Variants in ATXN7 observed in about 807,000 individuals in gnomAD.
ATXN7 encodes the protein ataxin-7.
In ATXN7, 12 loss-of-function variants were observed where a neutral mutation model predicts 70.5. The observed-to-expected ratio is 0.17, with a 90% CI of 0.11 to 0.28. The LOEUF is 0.28. ATXN7 is among the 10% of genes least tolerant of loss of function. The probability of loss-of-function intolerance (pLI) is 1.00; values close to 1 mark genes in which losing one functional copy is unlikely to be tolerated. For missense variants in ATXN7, 1,256 were observed against 1,131.7 expected (o/e 1.11, Z -1.58); for synonymous variants, 498 against 448.7 (o/e 1.11, Z -1.39).
At chr3:63,934,120 A>G (rs958442136) in intron 4 of ATXN7, among the ~76,000 whole-genome samples, 1 of 151,694 alleles carries the variant, frequency 6.6e-6, no homozygotes, top group African/African-American at 2.4e-5. Context: ...CTGTATTCGT[A>G]TTGAGAAGCC....
chr3:64,001,756 AT>A lies in ATXN7; in HGVS notation c.*2291del, dbSNP rs1337298543. ...AAACAGACCTATTCTAAACAGTGCT[AT>A]TAAATTTTAGACTGTTGTTCAAATA... On this transcript the variant is annotated 3_prime_UTR_variant, in exon 13 of 13. Transcript: ENST00000674280. 6 of 152,340 alleles carry A rather than the reference AT, an allele frequency of 3.9e-5. No individual in the cohort carries two copies. Among genetic ancestry groups the A allele is most frequent in the African/African-American group, 9.6e-5 (4 of 41,578 alleles). The allele number at this position is 152,340 out of a possible 1,614,324, so 9.4% of individuals were successfully genotyped here.
rs374778905 is a variant in ATXN7, at chr3:63,996,279, C to T, written c.2457C>T (p.His819=). The change falls in exon 12 of 13, where the codon CAC becomes CAT. Residue 819 remains histidine, a synonymous_variant. Transcript: ENST00000674280. ...CCAATGAACTGCCTGTCAACTCCCA[C>T]GGCAGTTTTTCCCACTCACACACTC... ...HQSNELPVNS[H]GSFSHSHTPL... The T allele has an allele frequency of 1.7e-5, 28 of 1,614,038 alleles. No homozygotes were observed. The African/African-American group carries it at 2.4e-4, about 14-fold the overall frequency.
chr3:63,942,480 C>A (rs138163174), intron 4 of ATXN7, among the ~76,000 whole-genome samples: 1 of 151,916 alleles, frequency 6.6e-6, no homozygotes. Context: ...GGTTTTTTTT[C>A]TTTTGTGTAG....
At chr3:63,997,540 G>A in intron 12 of ATXN7, 1 of 1,206,734 alleles carries the variant, frequency 8.3e-7, no homozygotes, top group Non-Finnish European at 1.2e-6. Context: ...GCCTGTTACT[G>A]ACCTCACCTG....
intron 2 of ATXN7, chr3:63,903,674 G>GGT (rs1221354883): frequency 1.3e-5 from 2 of 152,120 alleles, no homozygotes; most frequent in Non-Finnish European, 2.9e-5. Flanking sequence ...AAGCTGATGA[G>GGT]GTAGATATTA....
chr3:63,940,966 C>T (rs2074751830), intron 4 of ATXN7, among the ~76,000 whole-genome samples: 1 of 152,112 alleles, frequency 6.6e-6, no homozygotes, highest in South Asian at 2.1e-4. Context: ...GCTTAAGGAA[C>T]CCGTGAGACA....
chr3:63,914,644 G>A (rs1226615385), intron 4 of ATXN7, among the ~76,000 whole-genome samples: 2 of 152,138 alleles, frequency 1.3e-5, no homozygotes, highest in African/African-American at 4.8e-5. Context: ...CATTCTCTGG[G>A]TGTGGATACA....
intron 5 of ATXN7, chr3:63,967,803 T>A: frequency 6.7e-7 from 1 of 1,502,554 alleles, no homozygotes; most frequent in African/African-American, 1.4e-5. Context: ...TAGTAGCAAA[T>A]GTTACATAAG....
At chr3:63,998,424 G>A in intron 12 of ATXN7, 1 of 985,114 alleles carries the variant, frequency 1.0e-6, no homozygotes, top group Non-Finnish European at 1.2e-6. Context: ...ATCTGGTATA[G>A]CCTATGTATC....
rs117931303 is a variant in ATXN7 at position 63,940,798 on chromosome 3, C to T, written c.395-11581C>T. ...AGCTAAGTGGTAGACTCTTAGAGCC[C>T]GTATCCTACTCTAGACTACATGCTT... is the stretch of plus-strand genomic sequence containing the variant. On this transcript the variant is annotated intron_variant, in intron 4 of 12. Coordinates refer to ENST00000674280, the MANE Select transcript of ATXN7 (RefSeq NM_001377405.1). 1.4e-3 allele frequency among the ~76,000 whole-genome samples: 210 copies of T among 152,236 alleles called. 3 individuals are homozygous for T. In the East Asian group the frequency reaches 0.031, roughly 23 times the overall value.
chr3:63,894,357 C>T (rs559418386), intron 1 of ATXN7, among the ~76,000 whole-genome samples: 2 of 152,064 alleles, frequency 1.3e-5, no homozygotes, highest in Non-Finnish European at 2.9e-5. Flanking sequence ...CCAAGATCAC[C>T]ATGGAAAACA....
At chr3:63,946,998 G>T (rs941154260) in intron 4 of ATXN7, among the ~76,000 whole-genome samples, 1 of 152,202 alleles carries the variant, frequency 6.6e-6, no homozygotes. Flanking sequence ...TGGCATAGAG[G>T]AGGTGATTCT....
At chr3:63,909,510 G>A (rs1445443482) in intron 2 of ATXN7, among the ~76,000 whole-genome samples, 1 of 152,212 alleles carries the variant, frequency 6.6e-6, no homozygotes, top group African/African-American at 2.4e-5. Context: ...GTTCTTTACT[G>A]TGGGACTGTA....
In ATXN7 at chr3:63,952,421, A is replaced by C. The variant is rs369999332; in HGVS notation, c.437A>C (p.Tyr146Ser). The change falls in exon 5 of 13, where the codon TAC becomes TCC. Residue 146 changes from tyrosine to serine, a missense_variant. Coordinates refer to ENST00000674280, the MANE Select transcript of ATXN7 (RefSeq NM_001377405.1). ...FGFCPAHDDF[Y>S]LVVCNDCNQV... The stretch of plus-strand genomic sequence containing the variant: ...TTCTGTCCAGCCCATGATGATTTCT[A>C]CTTGGTGGTGTGTAACGACTGTAAT... 5 of 1,612,676 alleles carry C rather than the reference A, an allele frequency of 3.1e-6. No individual in the cohort carries two copies. Among genetic ancestry groups the C allele is most frequent in the Non-Finnish European group, 4.2e-6 (5 of 1,179,662 alleles).
intron 4 of ATXN7, among the ~76,000 whole-genome samples, chr3:63,947,751 C>T (rs1395105552): frequency 3.3e-5 from 5 of 152,128 alleles, no homozygotes; most frequent in Non-Finnish European, 7.4e-5. Flanking sequence ...AGGAACAGCC[C>T]TTTGAAGTGG....
intron 2 of ATXN7, among the ~76,000 whole-genome samples, chr3:63,902,375 A>G (rs996864853): frequency 6.6e-6 from 1 of 152,152 alleles, no homozygotes; most frequent in Non-Finnish European, 1.5e-5. Flanking sequence ...CACCAGCTGG[A>G]TTGCACTTGA....
intron 2 of ATXN7, among the ~76,000 whole-genome samples, chr3:63,906,017 T>A (rs757616578): frequency 6.6e-6 from 1 of 152,192 alleles, no homozygotes; most frequent in Non-Finnish European, 1.5e-5. Flanking sequence ...GTCTTACCCT[T>A]TATATTTCTT....
intron 1 of ATXN7, among the ~76,000 whole-genome samples, chr3:63,890,922 C>T (rs1047997460): frequency 2.0e-5 from 3 of 152,184 alleles, no homozygotes; most frequent in Admixed American, 1.3e-4. Context: ...GTAGGAGAGA[C>T]TGAAGCTCAA....
rs568126492 is a variant in ATXN7 at position 63,998,122 on chromosome 3, A to T, written c.2662-1328A>T. 3.1e-4 allele frequency: 302 copies of T among 982,830 alleles called. 1 individual carries two copies. In the South Asian group the frequency reaches 0.012, roughly 40 times the overall value. The allele number at this position is 982,830 out of a possible 1,614,324, so 60.9% of individuals were successfully genotyped here. A position where few individuals can be genotyped will look rare whatever the true frequency, so the allele number is the denominator to read the frequency against. On this transcript the variant is annotated intron_variant, in intron 12 of 12. Transcript: ENST00000674280. ...CATTGTGCTGTAATGTCCATCTCACATCTGTATTAGTGAGCACACTGTCTT... is the reference window on the plus strand; with the variant it reads ...CATTGTGCTGTAATGTCCATCTCACTTCTGTATTAGTGAGCACACTGTCTT...
Sources: allele counts gnomAD v4.1 joint callset (sites outside exome capture counted in the v4.1 genomes callset), GRCh38; gene constraint gnomAD v4.1.1; transcripts MANE v1.5; gene names NCBI Gene and HGNC (gene_info 2026-07-23, HGNC 2026-07-21).